PGAP6: variants seen among roughly 807,000 people sequenced by gnomAD.
PGAP6 encodes post-GPI attachment to proteins factor 6.
In PGAP6, 62 loss-of-function variants were observed where a neutral mutation model predicts 68.4. The observed-to-expected ratio is 0.91, with a 90% CI of 0.74 to 1.12. The LOEUF is 1.12. PGAP6 is among the 50% of genes most tolerant of loss of function. The pLI is 0.00. For synonymous variants in PGAP6, 575 were observed against 474.0 expected, an observed-to-expected ratio of 1.21 and a Z score of -2.77; for missense variants, 1,188 against 1,068.5, an observed-to-expected ratio of 1.11 and a Z score of -1.56.
chr16:378,271 CCCACCCACACTGCCATCG>C (rs2054406856), intron 1 of PGAP6, among the ~76,000 whole-genome samples: 3 of 21,988 alleles, frequency 1.4e-4, no homozygotes, highest in South Asian at 1.7e-3. Flanking sequence ...CACTGCCATC[CCCACCCACACTGCCATCG>C]CCACCCGCAC....
rs148356556 is a variant in PGAP6, at chr16:375,611, C to T, written c.1225-176G>A. On this transcript the variant is annotated intron_variant, in intron 6 of 12. Coordinates refer to ENST00000431232, the MANE Select transcript of PGAP6 (RefSeq NM_021259.3). ...GCAGTGCCGCGATCTCGGCTCACTGCAACCTCCGCCCCTGGGTTCATGCCA... is the reference window on the plus strand; with the variant it reads ...GCAGTGCCGCGATCTCGGCTCACTGTAACCTCCGCCCCTGGGTTCATGCCA... Among the ~76,000 whole-genome samples the T allele has an allele frequency of 5.9e-3, 894 of 151,866 alleles. 5 individuals carry two copies. Among genetic ancestry groups the T allele is most frequent in the Non-Finnish European group, 9.1e-3 (615 of 67,930 alleles).
chr16:381,593 C>G, intron 1 of PGAP6, 108 bp downstream of exon 1: 1 of 936,042 alleles, frequency 1.1e-6, no homozygotes, highest in Non-Finnish European at 1.3e-6. Context: ...GACCCCCAAC[C>G]CCGCGCCGGC....
upstream of PGAP6, among the ~76,000 whole-genome samples, chr16:385,782 A>G (rs545023857): frequency 3.4e-3 from 487 of 144,852 alleles, 1 homozygote; most frequent in South Asian, 4.3e-3. Flanking sequence ...CTGCCAACAC[A>G]CCCGGCTAAT....
chr16:381,853 C>T lies in PGAP6; in HGVS notation c.-32G>A, dbSNP rs1261116850. ...GCGCTCGGCCCGGCGCTACCCGGCC[C>T]GCGTCCCGCGCCGCCGGCCCCCGCC... is the stretch of plus-strand genomic sequence containing the variant. On this transcript the variant is annotated 5_prime_UTR_variant, in exon 1 of 13. Transcript: ENST00000431232. 3 of 986,520 alleles carry T rather than the reference C, an allele frequency of 3.0e-6. No homozygotes were observed. The highest frequency in any genetic ancestry group is 3.6e-6 in the Non-Finnish European group (3 of 831,428). 61.1% of individuals were successfully genotyped at this position (986,520 alleles called of 1,614,324 possible). A position where few individuals can be genotyped will look rare whatever the true frequency, so the allele number is the denominator to read the frequency against.
chr16:376,623 G>A lies in PGAP6; in HGVS notation c.825C>T (p.Asp275=). 6.2e-7 allele frequency: 1 copy of A among 1,600,864 alleles called. No individual in the cohort carries two copies. Among genetic ancestry groups the A allele is most frequent in the Non-Finnish European group, 8.5e-7 (1 of 1,173,162 alleles). Reference sequence around the variant, plus strand: ...TCTCAGCTGTCACTTGCAGCCACCGGTCCCAGGGCGGTGAGGGCAGCAGCA... The same window carrying A: ...TCTCAGCTGTCACTTGCAGCCACCGATCCCAGGGCGGTGAGGGCAGCAGCA... ...CRLLLPSPPW[D]RWLQVTAESL... The change falls in exon 5 of 13, where the codon GAC becomes GAT. Residue 275 remains aspartate, a synonymous_variant. Transcript: ENST00000431232.
At chr16:381,430 GGGA>G (rs1286080978) in intron 1 of PGAP6, among the ~76,000 whole-genome samples, 3 of 151,984 alleles carry the variant, frequency 2.0e-5, no homozygotes, top group Non-Finnish European at 4.4e-5. Flanking sequence ...TGGGCGCTCT[GGGA>G]GGAGGAGGGA....
rs771590804 is a variant in PGAP6, at chr16:372,041, G to A, written c.2262C>T (p.Pro754=). ...CGTTCTTGCAGATCTGATAGTGGCA[G>A]GGGAATTTCTGCGAGCAGGCCCAGG... is the stretch of plus-strand genomic sequence containing the variant. The part of the protein sequence containing the change: ...AEPWACSQKF[P]CHYQICKNDR... Residue 754 remains proline (P), a synonymous_variant, in exon 13 of 13, where the codon CCC becomes CCT. Transcript: ENST00000431232. 1.9e-6 allele frequency: 3 copies of A among 1,612,736 alleles called. No homozygotes were observed. The highest frequency in any genetic ancestry group is 1.7e-4 in the Middle Eastern group (1 of 6,058).
chr16:375,012 C>A (rs192616625), intron 8 of PGAP6, 120 bp from the exon 9 acceptor site: 50 of 1,575,366 alleles, frequency 3.2e-5, no homozygotes, highest in Non-Finnish European at 4.2e-5. Context: ...CTTTCAGCAG[C>A]CCTGGAGGAA....
chr16:373,983 C>G, intron 11 of PGAP6, 22 bp downstream of exon 11: 2 of 1,589,120 alleles, frequency 1.3e-6, no homozygotes, highest in Non-Finnish European at 1.7e-6. Context: ...GGAGCCCACA[C>G]CCCACGTCGA....
At chr16:381,388 C>G (rs962585341) in intron 1 of PGAP6, among the ~76,000 whole-genome samples, 1 of 152,172 alleles carries the variant, frequency 6.6e-6, no homozygotes. Context: ...CCCCTGGGCC[C>G]CTCCACTTCC....
Position 377,681 on chromosome 16 carries a change from C to T in PGAP6, c.289G>A (p.Glu97Lys). ...CGGGCAGCCACCTACACGGTGATCT[C>T]CGCGTCGGTGCAGGCAGCGCCGCTC... ...RESGAACTDAEITVHFRSGAP... is the reference protein window; with the variant it reads ...RESGAACTDAKITVHFRSGAP... The change falls in exon 2 of 13, where the codon GAG becomes AAG. Residue 97 changes from glutamate (E) to lysine (K), a missense_variant. Physicochemically the swap from Glu to Lys is moderately conservative, Grantham distance 56. Coordinates refer to ENST00000431232, the MANE Select transcript of PGAP6 (RefSeq NM_021259.3). The T allele has an allele frequency of 1.3e-6, 2 of 1,584,646 alleles. No homozygotes were observed. Among genetic ancestry groups the T allele is most frequent in the Non-Finnish European group, 1.7e-6 (2 of 1,166,576 alleles).
intron 9 of PGAP6, 24 bp from the exon 10 acceptor site, chr16:374,423 G>A (rs371880705): frequency 8.8e-5 from 135 of 1,536,156 alleles, no homozygotes; most frequent in South Asian, 1.6e-4. Flanking sequence ...ACCCCGACGC[G>A]GAGGCTGGGG....
chr16:373,862 CCA>C (rs138247316), intron 11 of PGAP6, 141 bp downstream of exon 11: 1 of 1,066,824 alleles, frequency 9.4e-7, no homozygotes, highest in Non-Finnish European at 1.3e-6. Flanking sequence ...CAGGTGTGAG[CCA>C]CCATGCTCGG....
chr16:379,033 C>T (rs2054416726), intron 1 of PGAP6, among the ~76,000 whole-genome samples: 1 of 152,182 alleles, frequency 6.6e-6, no homozygotes, highest in Non-Finnish European at 1.5e-5. Context: ...TCCCTGGGTC[C>T]CAGCCTTCTC....
chr16:384,764 G>A (rs570876634), upstream of PGAP6, among the ~76,000 whole-genome samples: 3 of 151,956 alleles, frequency 2.0e-5, no homozygotes, highest in African/African-American at 7.2e-5. Flanking sequence ...GCTGAGGCAG[G>A]AGAATGGCGT....
chr16:372,218 G>T lies in PGAP6; in HGVS notation c.2085C>A (p.Leu695=). Residue 695 remains leucine, a synonymous_variant, in exon 13 of 13, where the codon CTC becomes CTA. Coordinates refer to ENST00000431232, the MANE Select transcript of PGAP6 (RefSeq NM_021259.3). ...PTSWQRWAFY[L]LPGVSMASVG... ...CAGAGGCCATAGAGACGCCGGGCAG[G>T]AGGTAGAAGGCCCAGCGCTGCCACG... 6.2e-7 allele frequency: 1 copy of T among 1,612,560 alleles called. No individual in the cohort carries two copies. The highest frequency in any genetic ancestry group is 8.5e-7 in the Non-Finnish European group (1 of 1,179,924).
In PGAP6 at chr16:381,629, G is replaced by C. The variant is rs1346171348; in HGVS notation, c.121+72C>G. 5 of 1,112,566 alleles carry C rather than the reference G, an allele frequency of 4.5e-6. No individual in the cohort carries two copies. In the African/African-American group the frequency reaches 6.6e-5, roughly 15 times the overall value. The allele number at this position is 1,112,566 out of a possible 1,614,324, so 68.9% of individuals were successfully genotyped here. ...GCCAGATGAGCGCACAGGTGCGCCCGGGGTGTCACAATCCCGCCCCGCCCG... is the reference window on the plus strand; with the variant it reads ...GCCAGATGAGCGCACAGGTGCGCCCCGGGTGTCACAATCCCGCCCCGCCCG... On this transcript the variant is annotated intron_variant, in intron 1 of 12. Transcript: ENST00000431232.
At chr16:376,838 C>T in intron 4 of PGAP6, 26 bp from the exon 5 acceptor site, 1 of 1,599,478 alleles carries the variant, frequency 6.3e-7, no homozygotes, top group Non-Finnish European at 8.5e-7. Context: ...ACAGCTGGCT[C>T]AGGCTCTGCC....
chr16:382,060 G>C (rs1449975764), upstream of PGAP6: 1 of 457,514 alleles, frequency 2.2e-6, no homozygotes, highest in African/African-American at 2.2e-5. Context: ...GGGCGCGGAC[G>C]CCGGGGGGAG....
Sources: gnomAD v4.1 joint callset for allele counts (sites outside exome capture counted in the v4.1 genomes callset) on GRCh38, gnomAD v4.1.1 for gene constraint, MANE v1.5 for transcripts, NCBI Gene and HGNC (gene_info 2026-07-23, HGNC 2026-07-21) for gene names.